UNC5D: variants seen among roughly 807,000 people sequenced by gnomAD.
UNC5D encodes unc-5 netrin receptor D.
UNC5D carries 39 observed loss-of-function variants against 105.4 expected under a neutral mutation model. That is an observed-to-expected ratio of 0.37 (90% CI 0.29 to 0.48). The LOEUF is 0.48. UNC5D is among the 20% of genes least tolerant of loss of function. UNC5D has a pLI of 0.98. For missense variants in UNC5D, 991 were observed against 1,202.4 expected, an observed-to-expected ratio of 0.82 and a Z score of 2.60; for synonymous variants, 452 against 450.4, an observed-to-expected ratio of 1.00 and a Z score of -0.04.
At chr8:35,332,079 A>G (rs909933430) in intron 1 of UNC5D, among the ~76,000 whole-genome samples, 8 of 152,208 alleles carry the variant, frequency 5.3e-5, no homozygotes, top group Non-Finnish European at 5.9e-5. Flanking sequence ...TTACATTGAC[A>G]TCTTCACATG....
intron 1 of UNC5D, among the ~76,000 whole-genome samples, chr8:35,454,107 G>T (rs1041345812): frequency 6.6e-6 from 1 of 152,122 alleles, no homozygotes; most frequent in Non-Finnish European, 1.5e-5. Flanking sequence ...CTACCAACCT[G>T]ACAGACTTTC....
rs557331851 is a variant in UNC5D at position 35,356,498 on chromosome 8, G to A, written c.103+120611G>A. Among the ~76,000 whole-genome samples the A allele has an allele frequency of 2.6e-5, 4 of 152,210 alleles. No homozygotes were observed. The East Asian group carries it at 7.7e-4, about 29-fold the overall frequency. On this transcript the variant is annotated intron_variant, in intron 1 of 16. Transcript: ENST00000404895. ...CTGTCTTAACTGAGCACTTATCATG[G>A]TCTGTGGCCAATCATATTTCAGTTT...
rs1268317990 is a variant in UNC5D at position 35,676,686 on chromosome 8, G to A, written c.571-6861G>A. ...ATATAGGTTCAAAAGTTATGTGCTT[G>A]CCAGTCATTTCCACGAGAAAGCCAT... is the stretch of plus-strand genomic sequence containing the variant. On this transcript the variant is annotated intron_variant, in intron 4 of 16. Transcript: ENST00000404895. Among the ~76,000 whole-genome samples the A allele has an allele frequency of 7.9e-5, 12 of 152,176 alleles. 1 individual carries two copies. The highest frequency in any genetic ancestry group is 5.9e-4 in the Admixed American group (9 of 15,282).
chr8:35,305,897 C>G (rs949444205), intron 1 of UNC5D, among the ~76,000 whole-genome samples: 3 of 114,254 alleles, frequency 2.6e-5, no homozygotes, highest in Non-Finnish European at 5.0e-5. Context: ...TTCTTTTTCT[C>G]TCTTTCTTTT....
chr8:35,407,232 G>A (rs937777017), intron 1 of UNC5D, among the ~76,000 whole-genome samples: 5 of 152,082 alleles, frequency 3.3e-5, no homozygotes, highest in African/African-American at 1.2e-4. Flanking sequence ...ATCTAAGTTT[G>A]TGTAAGTGTA....
chr8:35,305,276 A>G (rs1380550437), intron 1 of UNC5D, among the ~76,000 whole-genome samples: 1 of 152,112 alleles, frequency 6.6e-6, no homozygotes, highest in Non-Finnish European at 1.5e-5. Flanking sequence ...GAACTATCTT[A>G]AAATAGCATG....
chr8:35,669,671 T>G (rs1824650080), intron 4 of UNC5D, among the ~76,000 whole-genome samples: 1 of 152,128 alleles, frequency 6.6e-6, no homozygotes, highest in African/African-American at 2.4e-5. Context: ...GTTCTATACA[T>G]TATATCAAAA....
chr8:35,607,245 T>C (rs1820352699), intron 4 of UNC5D, among the ~76,000 whole-genome samples: 1 of 152,218 alleles, frequency 6.6e-6, no homozygotes, highest in African/African-American at 2.4e-5. Flanking sequence ...TCTTTTCTGG[T>C]ATCTACCTTT....
At chr8:35,518,038 T>TG (rs1813216442) in intron 1 of UNC5D, among the ~76,000 whole-genome samples, 1 of 152,096 alleles carries the variant, frequency 6.6e-6, no homozygotes, top group South Asian at 2.1e-4. Context: ...AACATGAATT[T>TG]TGGGGGGGGC....
chr8:35,408,080 GCTCT>G lies in UNC5D; in HGVS notation c.104-141209_104-141206del, dbSNP rs1350941928. 2.0e-5 allele frequency among the ~76,000 whole-genome samples: 3 copies of G among 152,022 alleles called. No individual in the cohort carries two copies. The South Asian group carries it at 6.2e-4, about 32-fold the overall frequency. On this transcript the variant is annotated intron_variant, in intron 1 of 16. Transcript: ENST00000404895. ...TTAATCATTAGATCATTTAAAATTA[GCTCT>G]CTGTCAGAGGAATGTTTGTGGTCAT...
intron 1 of UNC5D, among the ~76,000 whole-genome samples, chr8:35,368,836 G>A (rs1802277881): frequency 6.6e-6 from 1 of 152,004 alleles, no homozygotes; most frequent in Non-Finnish European, 1.5e-5. Context: ...TACTCATGGA[G>A]GAAAGGCCAT....
intron 1 of UNC5D, among the ~76,000 whole-genome samples, chr8:35,520,735 G>GA (rs1813407788): frequency 6.6e-6 from 1 of 151,666 alleles, no homozygotes. Flanking sequence ...GAAAAAGAAA[G>GA]AAAAAAAATC....
chr8:35,268,742 T>G (rs2128830977), intron 1 of UNC5D, among the ~76,000 whole-genome samples: 1 of 152,316 alleles, frequency 6.6e-6, no homozygotes, highest in Admixed American at 6.5e-5. Context: ...TATTAACTCT[T>G]TTAATGCTCA....
intron 1 of UNC5D, among the ~76,000 whole-genome samples, chr8:35,389,885 A>G (rs922400342): frequency 2.6e-5 from 4 of 152,356 alleles, no homozygotes; most frequent in Admixed American, 2.6e-4. Context: ...GGAATAGGCA[A>G]CAGAAGATAT....
chr8:35,655,528 G>A (rs1823672688), intron 4 of UNC5D, among the ~76,000 whole-genome samples: 1 of 152,154 alleles, frequency 6.6e-6, no homozygotes, highest in Admixed American at 6.5e-5. Flanking sequence ...AAGCAATCTG[G>A]TCATCATCTT....
intron 12 of UNC5D, among the ~76,000 whole-genome samples, 170 bp downstream of exon 12, chr8:35,748,865 C>A (rs760041378): frequency 6.6e-6 from 1 of 152,072 alleles, no homozygotes; most frequent in South Asian, 2.1e-4. Context: ...TTCTTCCCCC[C>A]CCATTATAAT....
chr8:35,697,840 T>C (rs1826898126), intron 7 of UNC5D, among the ~76,000 whole-genome samples: 2 of 152,140 alleles, frequency 1.3e-5, no homozygotes, highest in African/African-American at 4.8e-5. Context: ...TGAAAAATAA[T>C]TTGGAAGTCA....
Position 35,766,963 on chromosome 8 carries a change from T to C in UNC5D, c.2375T>C (p.Leu792Pro). The change falls in exon 15 of 17, where the codon CTG becomes CCG. Residue 792 changes from leucine (L) to proline (P), a missense_variant. This residue lies in a region of UNC5D where 944 missense variants were observed against 1,131.6 expected (regional missense o/e 0.83). Coordinates refer to ENST00000404895, the MANE Select transcript of UNC5D (RefSeq NM_080872.4). ...NRQPLHCAFS[L>P]ERYTPTTTQL... ...CAGCCCCTGCACTGTGCCTTCTCCCTGGAGCGTTATACGCCCACTACCACC... is the reference window on the plus strand; with the variant it reads ...CAGCCCCTGCACTGTGCCTTCTCCCCGGAGCGTTATACGCCCACTACCACC... The C allele has an allele frequency of 6.2e-7, 1 of 1,614,040 alleles. No homozygotes were observed. Among genetic ancestry groups the C allele is most frequent in the Non-Finnish European group, 8.5e-7 (1 of 1,179,958 alleles).
At chr8:35,388,942 T>C (rs1021103443) in intron 1 of UNC5D, among the ~76,000 whole-genome samples, 2 of 152,238 alleles carry the variant, frequency 1.3e-5, no homozygotes, top group Non-Finnish European at 2.9e-5. Context: ...TAAGGTTTCC[T>C]AGTGAAAATA....
Sources: allele counts gnomAD v4.1 joint callset (sites outside exome capture counted in the v4.1 genomes callset), GRCh38; gene constraint gnomAD v4.1.1; regional missense constraint gnomAD v4.1.1; transcripts MANE v1.5; gene names NCBI Gene and HGNC (gene_info 2026-07-23, HGNC 2026-07-21).